SLC4A4: variants seen among roughly 807,000 people sequenced by gnomAD.
SLC4A4 encodes electrogenic sodium bicarbonate cotransporter 1.
Under a neutral mutation model 111.5 loss-of-function variants are expected in SLC4A4, and 27 were observed. The ratio of observed to expected loss-of-function variants is 0.24; its 90% CI spans 0.18 to 0.33. SLC4A4 has a LOEUF of 0.33. SLC4A4 is among the 10% of genes least tolerant of loss of function. The pLI, the probability that SLC4A4 is intolerant of heterozygous loss-of-function variation, is 1.00. For synonymous variants in SLC4A4, 443 were observed against 463.4 expected (o/e 0.96, Z 0.57); for missense variants, 909 against 1,315.5 (o/e 0.69, Z 4.78).
intron 1 of SLC4A4, among the ~76,000 whole-genome samples, chr4:71,067,502 A>C (rs1741552311): frequency 6.6e-6 from 1 of 152,170 alleles, no homozygotes; most frequent in African/African-American, 2.4e-5. Flanking sequence ...ATGAAGCCAT[A>C]GTTCATTATT....
At chr4:71,419,502 G>A (rs1354516096) in intron 7 of SLC4A4, among the ~76,000 whole-genome samples, 4 of 152,382 alleles carry the variant, frequency 2.6e-5, no homozygotes, top group Non-Finnish European at 5.9e-5. Context: ...TCCGAGCCAG[G>A]TGCGGGATAT....
chr4:71,544,541 C>A (rs961852460), intron 18 of SLC4A4, among the ~76,000 whole-genome samples: 39 of 152,102 alleles, frequency 2.6e-4, no homozygotes, highest in Middle Eastern at 3.4e-3. Context: ...GTAGGCTCCA[C>A]CTTAAGGTAT....
chr4:71,428,638 A>C (rs1361187874), intron 7 of SLC4A4, among the ~76,000 whole-genome samples: 1 of 152,086 alleles, frequency 6.6e-6, no homozygotes, highest in East Asian at 1.9e-4. Flanking sequence ...GGAGAAAATT[A>C]GCAGGACGAA....
chr4:71,384,059 C>T (rs1316284561), intron 6 of SLC4A4, among the ~76,000 whole-genome samples: 1 of 152,198 alleles, frequency 6.6e-6, no homozygotes, highest in Admixed American at 6.5e-5. Flanking sequence ...CTGCAAGCAT[C>T]TCAGTTCAGC....
intron 16 of SLC4A4, among the ~76,000 whole-genome samples, chr4:71,513,844 A>G (rs1732143400): frequency 6.6e-6 from 1 of 152,042 alleles, no homozygotes; most frequent in African/African-American, 2.4e-5. Flanking sequence ...TCATGAAAGG[A>G]TGTTGTATTT....
chr4:71,193,366 A>G (rs949266550), intron 1 of SLC4A4, among the ~76,000 whole-genome samples: 22 of 151,986 alleles, frequency 1.4e-4, no homozygotes, highest in Admixed American at 3.9e-4. Flanking sequence ...TCACCGTGTT[A>G]GCCAGGATGG....
intron 16 of SLC4A4, among the ~76,000 whole-genome samples, chr4:71,518,298 G>C (rs79010487): frequency 6.6e-6 from 1 of 152,150 alleles, no homozygotes; most frequent in Non-Finnish European, 1.5e-5. Context: ...CTGAAACATG[G>C]GTCTGCTGAA....
At chr4:71,214,794 G>T (rs993535867) in intron 1 of SLC4A4, among the ~76,000 whole-genome samples, 9 of 152,330 alleles carry the variant, frequency 5.9e-5, no homozygotes, top group Middle Eastern at 6.8e-3. Context: ...CTTGGGCTCT[G>T]CCTGGCCCTG....
In SLC4A4 at chr4:71,244,755, A is replaced by G. The variant is rs1214565964; in HGVS notation, c.73+8106A>G. Among the ~76,000 whole-genome samples the G allele has an allele frequency of 2.8e-5, 4 of 145,174 alleles. No individual in the cohort carries two copies. The South Asian group carries it at 8.9e-4, about 32-fold the overall frequency. ...ACGTTAACTCTTCTTACTAAATTTA[A>G]GTAACTGATGGACCATGCTTTTTTT... On this transcript the variant is annotated intron_variant, in intron 2 of 25. Coordinates refer to ENST00000264485, the MANE Select transcript of SLC4A4 (RefSeq NM_001098484.3).
At chr4:71,495,175 C>T (rs774062959) in intron 15 of SLC4A4, among the ~76,000 whole-genome samples, 1 of 152,014 alleles carries the variant, frequency 6.6e-6, no homozygotes, top group Non-Finnish European at 1.5e-5. Context: ...AGCAAGAAGA[C>T]ATGTCTGTCA....
At chr4:71,101,429 A>G (rs929927871) in intron 2 of SLC4A4, among the ~76,000 whole-genome samples, 1 of 152,244 alleles carries the variant, frequency 6.6e-6, no homozygotes, top group Admixed American at 6.5e-5. Flanking sequence ...TAAGAGTTCA[A>G]TTATATTAAT....
chr4:71,187,714 C>T (rs1036007088), intron 1 of SLC4A4, among the ~76,000 whole-genome samples: 3 of 152,204 alleles, frequency 2.0e-5, no homozygotes, highest in Non-Finnish European at 4.4e-5. Context: ...GACTGCGGGG[C>T]CAGTTCTGCG....
intron 16 of SLC4A4, among the ~76,000 whole-genome samples, chr4:71,504,966 G>A (rs1336839204): frequency 6.6e-6 from 1 of 152,080 alleles, no homozygotes; most frequent in Non-Finnish European, 1.5e-5. Context: ...ACTTATAAGT[G>A]AGAACATGTG....
At chr4:71,111,524 G>GTTTTTTTTTTTTTTTTTTT (rs150777420) in intron 2 of SLC4A4, among the ~76,000 whole-genome samples, 3 of 60,782 alleles carry the variant, frequency 4.9e-5, no homozygotes, top group African/African-American at 6.9e-5. Flanking sequence ...CCACGCTCAG[G>GTTTTTTTTTTTTTTTTTTT]TTTTTTTTTT....
chr4:71,492,516 C>T (rs949922263), intron 15 of SLC4A4, among the ~76,000 whole-genome samples: 7 of 152,026 alleles, frequency 4.6e-5, no homozygotes, highest in Admixed American at 2.6e-4. Flanking sequence ...TCTTTTCCCC[C>T]AGTACCCATT....
At chr4:71,142,943 CT>C (rs1744049340) in intron 2 of SLC4A4, among the ~76,000 whole-genome samples, 1 of 151,208 alleles carries the variant, frequency 6.6e-6, no homozygotes, top group Non-Finnish European at 1.5e-5. Flanking sequence ...ATTTTCTTTC[CT>C]TTTTATTATT....
chr4:71,565,946 G>A (rs1024836303), intron 24 of SLC4A4, among the ~76,000 whole-genome samples: 2 of 151,796 alleles, frequency 1.3e-5, no homozygotes. Context: ...GACAGAAGCT[G>A]CAGTCTTTTA....
chr4:71,082,773 T>C (rs1006101832), intron 1 of SLC4A4, among the ~76,000 whole-genome samples: 1 of 151,920 alleles, frequency 6.6e-6, no homozygotes, highest in Non-Finnish European at 1.5e-5. Context: ...TATTTACTTC[T>C]CCCTAGCCCA....
In SLC4A4 at chr4:71,074,821, G is replaced by T. The variant is rs893905466; in HGVS notation, c.-65+12033G>T. On this transcript the variant is annotated intron_variant, in intron 1 of 26. Coordinates refer to the SLC4A4 transcript ENST00000649996. Reference sequence around the variant, plus strand: ...TGGCCTCAGTGTGGGAAAATGAGTTGCTCAGCAGGGACTGCTAAAAATACA... The same window carrying T: ...TGGCCTCAGTGTGGGAAAATGAGTTTCTCAGCAGGGACTGCTAAAAATACA... Among the ~76,000 whole-genome samples, 4 of 152,204 alleles carry T rather than the reference G, an allele frequency of 2.6e-5. No individual in the cohort carries two copies. The East Asian group carries it at 7.7e-4, about 29-fold the overall frequency.
Sources: gnomAD v4.1 joint callset for allele counts (sites outside exome capture counted in the v4.1 genomes callset) on GRCh38, gnomAD v4.1.1 for gene constraint, MANE v1.5 for transcripts, NCBI Gene and HGNC (gene_info 2026-07-23, HGNC 2026-07-21) for gene names.